CNTNAP2: variants seen among roughly 807,000 people sequenced by gnomAD.
CNTNAP2 encodes the protein contactin-associated protein-like 2.
In CNTNAP2, 98 loss-of-function variants were observed where a neutral mutation model predicts 155.2. The observed-to-expected ratio is 0.63, with a 90% confidence interval of 0.54 to 0.75. CNTNAP2 has a LOEUF of 0.75. Among genes scored for constraint, CNTNAP2 ranks in the 30% least tolerant of loss-of-function variants. CNTNAP2 has a pLI of 0.00. For missense variants in CNTNAP2, 1,727 were observed against 1,688.1 expected (o/e 1.02, Z -0.40); for synonymous variants, 651 against 631.2 (o/e 1.03, Z -0.47).
At chr7:146,130,105 G>C (rs1797692834) in intron 1 of CNTNAP2, among the ~76,000 whole-genome samples, 1 of 152,176 alleles carries the variant, frequency 6.6e-6, no homozygotes. Flanking sequence ...AATTTTGAAA[G>C]AGTAAATTAT....
chr7:147,324,268 A>C (rs1286942092), intron 9 of CNTNAP2, among the ~76,000 whole-genome samples: 2 of 152,202 alleles, frequency 1.3e-5, no homozygotes, highest in Admixed American at 1.3e-4. Context: ...ATGCATGCAA[A>C]GCACTCATTA....
intron 15 of CNTNAP2, among the ~76,000 whole-genome samples, chr7:148,035,286 A>C (rs969462237): frequency 6.6e-6 from 1 of 152,198 alleles, no homozygotes; most frequent in Non-Finnish European, 1.5e-5. Flanking sequence ...AGACAGTGGG[A>C]GAATTACCCG....
chr7:146,689,343 A>G (rs1800658058), intron 1 of CNTNAP2, among the ~76,000 whole-genome samples: 1 of 152,036 alleles, frequency 6.6e-6, no homozygotes. Context: ...TCACATTTGT[A>G]TTGTTATTAT....
At chr7:147,482,188 A>G (rs1798433234) in intron 10 of CNTNAP2, among the ~76,000 whole-genome samples, 1 of 152,158 alleles carries the variant, frequency 6.6e-6, no homozygotes. Flanking sequence ...CAATGTAATA[A>G]TGGTGTATTG....
chr7:147,998,286 T>C (rs911669049), intron 15 of CNTNAP2, among the ~76,000 whole-genome samples: 7 of 151,874 alleles, frequency 4.6e-5, no homozygotes, highest in Non-Finnish European at 8.8e-5. Context: ...TAATTTTTTG[T>C]ATTTTTAGTA....
intron 1 of CNTNAP2, among the ~76,000 whole-genome samples, chr7:146,744,457 G>T (rs563911468): frequency 6.6e-6 from 1 of 152,064 alleles, no homozygotes; most frequent in African/African-American, 2.4e-5. Context: ...ACTCACTTCT[G>T]CTTCTTCCAT....
chr7:146,400,528 A>G (rs1436813877), intron 1 of CNTNAP2, among the ~76,000 whole-genome samples: 2 of 152,194 alleles, frequency 1.3e-5, no homozygotes, highest in Non-Finnish European at 2.9e-5. Context: ...AAAGTTAGTG[A>G]GAGAAGGAAC....
intron 1 of CNTNAP2, among the ~76,000 whole-genome samples, chr7:146,264,736 C>T (rs1436199081): frequency 1.3e-5 from 2 of 152,088 alleles, no homozygotes; most frequent in African/African-American, 4.8e-5. Context: ...GTTGAAATGC[C>T]AGAGGTGTCA....
At chr7:148,388,699 G>T (rs1403769517) in intron 22 of CNTNAP2, among the ~76,000 whole-genome samples, 1 of 152,134 alleles carries the variant, frequency 6.6e-6, no homozygotes, top group Non-Finnish European at 1.5e-5. Context: ...GTGATGTACA[G>T]ATGGGTTTTT....
chr7:148,142,076 A>T (rs1805084445), intron 16 of CNTNAP2, among the ~76,000 whole-genome samples: 1 of 147,848 alleles, frequency 6.8e-6, no homozygotes, highest in East Asian at 2.0e-4. Flanking sequence ...GTGGTTGTTA[A>T]GAGTAGAGAT....
At chr7:147,557,144 A>C (rs1465914292) in intron 11 of CNTNAP2, among the ~76,000 whole-genome samples, 3 of 151,986 alleles carry the variant, frequency 2.0e-5, no homozygotes, top group Admixed American at 2.0e-4. Context: ...GGCACCTGTA[A>C]TCCCAGCTGC....
intron 3 of CNTNAP2, among the ~76,000 whole-genome samples, chr7:146,930,897 A>G (rs1271068205): frequency 6.6e-6 from 1 of 152,218 alleles, no homozygotes; most frequent in Non-Finnish European, 1.5e-5. Context: ...TATCCTAAAT[A>G]TATATGCACC....
intron 1 of CNTNAP2, among the ~76,000 whole-genome samples, chr7:146,240,375 G>C (rs1238897420): frequency 6.6e-6 from 1 of 151,942 alleles, no homozygotes; most frequent in Non-Finnish European, 1.5e-5. Flanking sequence ...ATAAATGCTA[G>C]GTCTAATATA....
chr7:146,849,420 G>A (rs1204964855), intron 3 of CNTNAP2, among the ~76,000 whole-genome samples: 1 of 152,142 alleles, frequency 6.6e-6, no homozygotes, highest in Non-Finnish European at 1.5e-5. Context: ...TCAGCAAGAA[G>A]TTCCATTACT....
intron 8 of CNTNAP2, among the ~76,000 whole-genome samples, chr7:147,140,738 A>C (rs973601914): frequency 1.3e-5 from 2 of 152,086 alleles, no homozygotes; most frequent in Admixed American, 6.6e-5. Flanking sequence ...CCCCATGGCC[A>C]AGATCCTAGG....
At chr7:148,200,540 A>G (rs188717573) in intron 18 of CNTNAP2, among the ~76,000 whole-genome samples, 9 of 152,064 alleles carry the variant, frequency 5.9e-5, no homozygotes, top group Non-Finnish European at 1.2e-4. Context: ...GATTACAGGC[A>G]TGCACCACCA....
At chr7:147,101,868 C>A (rs142882421) in intron 4 of CNTNAP2, among the ~76,000 whole-genome samples, 1 of 152,212 alleles carries the variant, frequency 6.6e-6, no homozygotes, top group Non-Finnish European at 1.5e-5. Flanking sequence ...GGGAGCACGG[C>A]AGGCCAGGGT....
chr7:148,121,315 G>A (rs1054757428), intron 16 of CNTNAP2, among the ~76,000 whole-genome samples: 3 of 152,122 alleles, frequency 2.0e-5, no homozygotes, highest in African/African-American at 7.2e-5. Context: ...TTACAGGCGT[G>A]AGCCACCACG....
intron 1 of CNTNAP2, among the ~76,000 whole-genome samples, chr7:146,490,511 T>C (rs918996227): frequency 3.3e-5 from 5 of 152,236 alleles, no homozygotes; most frequent in African/African-American, 9.6e-5. Context: ...GGCTGATAAA[T>C]GTTTGTTGAG....
Sources: gnomAD v4.1 joint callset for allele counts (sites outside exome capture counted in the v4.1 genomes callset) on GRCh38, gnomAD v4.1.1 for gene constraint, MANE v1.5 for transcripts, NCBI Gene and HGNC (gene_info 2026-07-23, HGNC 2026-07-21) for gene names.